OSBPL3: variants seen among roughly 807,000 people sequenced by gnomAD.
OSBPL3 encodes the protein oxysterol binding protein like 3.
OSBPL3 carries 65 observed loss-of-function variants against 120.1 expected under a neutral mutation model. The observed-to-expected ratio is 0.54, with a 90% CI of 0.44 to 0.67. OSBPL3 has a LOEUF of 0.67. OSBPL3 is among the 30% of genes least tolerant of loss of function. The pLI is 0.00. For missense variants in OSBPL3, 1,004 were observed against 1,082.1 expected (o/e 0.93, Z 1.01); for synonymous variants, 416 against 402.6 (o/e 1.03, Z -0.40).
chr7:24,815,331 C>G lies in OSBPL3; in HGVS notation c.2028-128G>C, dbSNP rs567377585. ...CATCTCTTTATTCACAGAAGCAACA[C>G]TGGCTAAGTGTCTATGTCACACTGG... On this transcript the variant is annotated intron_variant, in intron 18 of 22. Transcript: ENST00000313367. The surrounding 1 kb of genome is among the most constrained non-coding windows in gnomAD (Gnocchi z 5.1). 2 of 719,766 alleles carry G rather than the reference C, an allele frequency of 2.8e-6. No individual in the cohort carries two copies. The highest frequency in any genetic ancestry group is 2.7e-5 in the East Asian group (1 of 37,656). The allele number at this position is 719,766 out of a possible 1,614,324, so 44.6% of individuals were successfully genotyped here.
chr7:24,876,467 C>CT (rs1802860400), intron 2 of OSBPL3, among the ~76,000 whole-genome samples: 3 of 147,942 alleles, frequency 2.0e-5, no homozygotes, highest in Admixed American at 2.0e-4. Context: ...GTGCTTTGGT[C>CT]TTTTTTTCCC....
intron 1 of OSBPL3, among the ~76,000 whole-genome samples, chr7:24,977,416 A>G (rs1271910879): frequency 6.6e-6 from 1 of 152,232 alleles, no homozygotes; most frequent in East Asian, 1.9e-4. Flanking sequence ...ACATCTAATT[A>G]GTGGGGCGAG....
chr7:24,860,581 G>A (rs1350098276), intron 10 of OSBPL3, among the ~76,000 whole-genome samples: 1 of 152,178 alleles, frequency 6.6e-6, no homozygotes, highest in African/African-American at 2.4e-5. Context: ...CAGCCACATG[G>A]AACTGTGAGT....
rs868770011 is a variant in OSBPL3 at position 24,813,893 on chromosome 7, C to T, written c.2172+1166G>A. On this transcript the variant is annotated intron_variant, in intron 19 of 22. Transcript: ENST00000313367. The surrounding 1 kb of genome is among the most constrained non-coding windows in gnomAD (Gnocchi z 4.5). ...ATGAGAGACCATTCCATACTTTTTG[C>T]CTCTGGCCAATTTTTCCATTTATTC... 2.6e-5 allele frequency among the ~76,000 whole-genome samples: 4 copies of T among 152,130 alleles called. No homozygotes were observed. The highest frequency in any genetic ancestry group is 5.9e-5 in the Non-Finnish European group (4 of 68,040).
At chr7:24,859,324 C>G (rs955945221) in intron 10 of OSBPL3, among the ~76,000 whole-genome samples, 7 of 151,886 alleles carry the variant, frequency 4.6e-5, no homozygotes, top group African/African-American at 1.7e-4. Flanking sequence ...AATCCATTTT[C>G]TCTTTAAGAA....
At chr7:24,921,153 C>T (rs533911815) in intron 1 of OSBPL3, among the ~76,000 whole-genome samples, 2 of 152,094 alleles carry the variant, frequency 1.3e-5, no homozygotes, top group Non-Finnish European at 2.9e-5. Flanking sequence ...ATTGGTTGAT[C>T]TTTGCTCTAT....
intron 1 of OSBPL3, among the ~76,000 whole-genome samples, chr7:24,935,132 T>G (rs562559074): frequency 2.6e-5 from 4 of 152,082 alleles, no homozygotes; most frequent in Non-Finnish European, 4.4e-5. Flanking sequence ...CTATAAGACA[T>G]CCATTAAAAT....
rs1453139145 is a variant in OSBPL3, at chr7:24,913,338, TG to T, written c.-149-20718del. 6.6e-6 allele frequency among the ~76,000 whole-genome samples: 1 copy of T among 152,026 alleles called. No homozygotes were observed. The highest frequency in any genetic ancestry group is 1.5e-5 in the Non-Finnish European group (1 of 68,002). On this transcript the variant is annotated intron_variant, in intron 1 of 22. Transcript: ENST00000313367. The surrounding 1 kb of genome is among the most constrained non-coding windows in gnomAD (Gnocchi z 5.3). ...TCAGCAGGTGGGAAGCATGAGAACATGGGGTGAAAAAGTCTCCTAGGTAAGT... is the reference window on the plus strand; with the variant it reads ...TCAGCAGGTGGGAAGCATGAGAACATGGGTGAAAAAGTCTCCTAGGTAAGT...
rs953015217 is a variant in OSBPL3, at chr7:24,831,046, G to A, written c.1747-141C>T. 5 of 790,362 alleles carry A rather than the reference G, an allele frequency of 6.3e-6. No individual in the cohort carries two copies. The highest frequency in any genetic ancestry group is 9.4e-6 in the Non-Finnish European group (5 of 533,680). The allele number at this position is 790,362 out of a possible 1,614,324, so 49.0% of individuals were successfully genotyped here. On this transcript the variant is annotated intron_variant, in intron 15 of 22. Coordinates refer to ENST00000313367, the MANE Select transcript of OSBPL3 (RefSeq NM_015550.4). This position sits in a 1 kb window ranked among gnomAD's most constrained non-coding sequence, Gnocchi z 4.0. ...TCTTTGGTTGTTTTTAAACAACATAGGTTTAAAATTGTAGGTTTAAATAAT... is the reference window on the plus strand; with the variant it reads ...TCTTTGGTTGTTTTTAAACAACATAAGTTTAAAATTGTAGGTTTAAATAAT...
At chr7:24,904,552 C>T (rs1807571514) in intron 1 of OSBPL3, among the ~76,000 whole-genome samples, 1 of 152,046 alleles carries the variant, frequency 6.6e-6, no homozygotes. Context: ...AGGTTACGTG[C>T]GAATACTTTG....
chr7:24,879,529 A>C lies in OSBPL3; in HGVS notation c.97-7460T>G, dbSNP rs1326289216. 6.6e-6 allele frequency among the ~76,000 whole-genome samples: 1 copy of C among 152,198 alleles called. No homozygotes were observed. The highest frequency in any genetic ancestry group is 1.5e-5 in the Non-Finnish European group (1 of 68,034). On this transcript the variant is annotated intron_variant, in intron 2 of 22. Coordinates refer to ENST00000313367, the MANE Select transcript of OSBPL3 (RefSeq NM_015550.4). The surrounding 1 kb of genome is among the most constrained non-coding windows in gnomAD (Gnocchi z 5.6). ...AGTCTTACTACTTGGTTAGCCACAG[A>C]CCAAAAACACTGGTGCCTTCATTAC... is the stretch of plus-strand genomic sequence containing the variant.
Position 24,892,637 on chromosome 7 carries a change from TAGAA to T in OSBPL3, c.-149-20_-149-17del, listed in dbSNP as rs1043280473. 2.2e-6 allele frequency: 3 copies of T among 1,345,140 alleles called. No individual in the cohort carries two copies. Among genetic ancestry groups the T allele is most frequent in the African/African-American group, 1.5e-5 (1 of 68,592 alleles). 83.3% of individuals were successfully genotyped at this position (1,345,140 alleles called of 1,614,324 possible). A position where few individuals can be genotyped will look rare whatever the true frequency, so the allele number is the denominator to read the frequency against. ...ACCCTAAAACCTAAAAAAGAGAAAT[TAGAA>T]AGAAGGTCAGAGGCATCAGATATCA... On this transcript the variant is annotated splice_polypyrimidine_tract_variant and intron_variant, in intron 1 of 22. Coordinates refer to ENST00000313367, the MANE Select transcript of OSBPL3 (RefSeq NM_015550.4).
Position 24,822,397 on chromosome 7 carries a change from C to T in OSBPL3, c.1885-2159G>A, listed in dbSNP as rs1485184204. ...CCCTTGAGCCCAGGATCCAGGAGTT[C>T]AAGACCAGCCTGGGCAACATAGTGA... On this transcript the variant is annotated intron_variant, in intron 16 of 22. Coordinates refer to ENST00000313367, the MANE Select transcript of OSBPL3 (RefSeq NM_015550.4). The surrounding 1 kb of genome is among the most constrained non-coding windows in gnomAD (Gnocchi z 5.8). 6.6e-6 allele frequency among the ~76,000 whole-genome samples: 1 copy of T among 151,998 alleles called. No individual in the cohort carries two copies. The highest frequency in any genetic ancestry group is 2.4e-5 in the African/African-American group (1 of 41,370).
rs1388761834 is a variant in OSBPL3 at position 24,926,921 on chromosome 7, T to C, written c.-149-34300A>G. Among the ~76,000 whole-genome samples the C allele has an allele frequency of 5.3e-5, 8 of 152,308 alleles. No individual in the cohort carries two copies. The South Asian group carries it at 1.4e-3, about 28-fold the overall frequency. On this transcript the variant is annotated intron_variant, in intron 1 of 22. Transcript: ENST00000313367. ...ATTGCATCCATGTAAATAAAACCAA[T>C]GTAGTCAATGTTGTAAGAAACAGAC...
At chr7:24,942,576 C>G (rs1813230873) in intron 1 of OSBPL3, among the ~76,000 whole-genome samples, 2 of 152,206 alleles carry the variant, frequency 1.3e-5, no homozygotes, top group African/African-American at 4.8e-5. Context: ...AGGACAAATG[C>G]AAAGTATGAA....
chr7:24,821,553 C>T lies in OSBPL3; in HGVS notation c.1885-1315G>A, dbSNP rs564784341. The stretch of plus-strand genomic sequence containing the variant: ...CCAGGCCTCCAGCAGGAGGACTGCA[C>T]GGCTGGGAGGATGTGGTCACACACG... On this transcript the variant is annotated intron_variant, in intron 16 of 22. Coordinates refer to ENST00000313367, the MANE Select transcript of OSBPL3 (RefSeq NM_015550.4). This position sits in a 1 kb window ranked among gnomAD's most constrained non-coding sequence, Gnocchi z 5.5. Among the ~76,000 whole-genome samples, 29 of 152,214 alleles carry T rather than the reference C, an allele frequency of 1.9e-4. No homozygotes were observed. The South Asian group carries it at 2.1e-3, about 11-fold the overall frequency.
chr7:24,901,357 A>T (rs1241786425), intron 1 of OSBPL3, among the ~76,000 whole-genome samples: 1 of 150,756 alleles, frequency 6.6e-6, no homozygotes, highest in Non-Finnish European at 1.5e-5. Context: ...ATCTCAGAAA[A>T]AAAAAAAGAG....
chr7:24,804,301 A>T lies in OSBPL3; in HGVS notation c.2567+14T>A. On this transcript the variant is annotated intron_variant, in intron 22 of 22. Coordinates refer to ENST00000313367, the MANE Select transcript of OSBPL3 (RefSeq NM_015550.4). The surrounding 1 kb of genome is among the most constrained non-coding windows in gnomAD (Gnocchi z 5.4). ...CACCTATCAACCAAAAACCTACTCA[A>T]TCCAGGCACGAACCTGAAAAACCGA... 6.2e-7 allele frequency: 1 copy of T among 1,613,966 alleles called. No individual in the cohort carries two copies. Among genetic ancestry groups the T allele is most frequent in the Non-Finnish European group, 8.5e-7 (1 of 1,179,936 alleles).
At position 24,817,152 on chromosome 7, in the gene OSBPL3, G is replaced by T. The variant is rs2128132955; in HGVS notation, c.1949-464C>A. Among the ~76,000 whole-genome samples the T allele has an allele frequency of 6.6e-6, 1 of 152,314 alleles. No individual in the cohort carries two copies. ...GCTTGTCTGAGGGGACGGAAGTATA[G>T]GAAAACACAGTCAAATAGTGTGGTT... On this transcript the variant is annotated intron_variant, in intron 17 of 22. Coordinates refer to ENST00000313367, the MANE Select transcript of OSBPL3 (RefSeq NM_015550.4). The surrounding 1 kb of genome is among the most constrained non-coding windows in gnomAD (Gnocchi z 4.0).
Sources: allele counts gnomAD v4.1 joint callset (sites outside exome capture counted in the v4.1 genomes callset), GRCh38; gene constraint gnomAD v4.1.1; non-coding constraint Gnocchi (gnomAD v3.1); transcripts MANE v1.5; gene names NCBI Gene and HGNC (gene_info 2026-07-23, HGNC 2026-07-21).